SNTG2: variants seen among roughly 807,000 people sequenced by gnomAD.
SNTG2 encodes the protein gamma-2-syntrophin.
Under a neutral mutation model 70.9 loss-of-function variants are expected in SNTG2, and 74 were observed. The observed-to-expected ratio is 1.04, with a 90% confidence interval of 0.86 to 1.27. The LOEUF (loss-of-function observed/expected upper bound fraction) is 1.27. Among genes scored for constraint, SNTG2 ranks in the 50% most tolerant of loss-of-function variants. The pLI is 0.00. For missense variants in SNTG2, 717 were observed against 690.7 expected, an observed-to-expected ratio of 1.04 and a Z score of -0.43; for synonymous variants, 278 against 273.8, an observed-to-expected ratio of 1.02 and a Z score of -0.15.
chr2:1,359,783 A>G (rs559712049), intron 16 of SNTG2, among the ~76,000 whole-genome samples: 6 of 152,222 alleles, frequency 3.9e-5, no homozygotes, highest in Non-Finnish European at 8.8e-5. Flanking sequence ...TAGTCCACCA[A>G]TAAACCCACT....
chr2:1,219,153 G>C (rs1674588504), intron 9 of SNTG2, among the ~76,000 whole-genome samples: 1 of 152,116 alleles, frequency 6.6e-6, no homozygotes, highest in South Asian at 2.1e-4. Flanking sequence ...GCTGTTAAAA[G>C]TGTATGGCAC....
chr2:1,057,189 T>A (rs1048380288), intron 1 of SNTG2, among the ~76,000 whole-genome samples: 1 of 152,116 alleles, frequency 6.6e-6, no homozygotes, highest in African/African-American at 2.4e-5. Flanking sequence ...AGGACTAACA[T>A]GGCACTATTC....
chr2:1,186,074 T>G (rs538352376), intron 8 of SNTG2, among the ~76,000 whole-genome samples: 1 of 152,312 alleles, frequency 6.6e-6, no homozygotes, highest in African/African-American at 2.4e-5. Flanking sequence ...GCTCAGAAAT[T>G]TCTTCCACCA....
rs371663349 is a variant in SNTG2 at position 1,085,081 on chromosome 2, T to C, written c.210+1426T>C. Among the ~76,000 whole-genome samples, 12 of 152,294 alleles carry C rather than the reference T, an allele frequency of 7.9e-5. No individual in the cohort carries two copies. In the East Asian group the frequency reaches 2.3e-3, roughly 30 times the overall value. Reference sequence around the variant, plus strand: ...GATTCCCACAACCCTGAGGCTTTTTTTCCCCGACATGTAGATAAATCGCAT... The same window carrying C: ...GATTCCCACAACCCTGAGGCTTTTTCTCCCCGACATGTAGATAAATCGCAT... On this transcript the variant is annotated intron_variant, in intron 2 of 16. Transcript: ENST00000308624.
rs1660694669 is a variant in SNTG2, at chr2:1,353,586, T to C, written c.1489-13757T>C. 6.6e-6 allele frequency: 1 copy of C among 151,978 alleles called. No individual in the cohort carries two copies. Among genetic ancestry groups the C allele is most frequent in the Non-Finnish European group, 1.5e-5 (1 of 68,012 alleles). 9.4% of individuals were successfully genotyped at this position (151,978 alleles called of 1,614,324 possible). A position where few individuals can be genotyped will look rare whatever the true frequency, so the allele number is the denominator to read the frequency against. ...CACGGGGCCGTCAGTGACAGAGGAG[T>C]GGCCTGCGGTGAAAGGCAGCCTGAG... On this transcript the variant is annotated intron_variant, in intron 16 of 16. Coordinates refer to ENST00000308624, the MANE Select transcript of SNTG2 (RefSeq NM_018968.4). This position sits in a 1 kb window ranked among gnomAD's most constrained non-coding sequence, Gnocchi z 4.2.
chr2:1,032,385 G>T (rs974445093), intron 1 of SNTG2, among the ~76,000 whole-genome samples: 2 of 152,104 alleles, frequency 1.3e-5, no homozygotes, highest in Middle Eastern at 6.8e-3. Context: ...ACACACGCAC[G>T]CACATATATC....
intron 8 of SNTG2, among the ~76,000 whole-genome samples, chr2:1,178,125 A>G (rs1338613101): frequency 1.3e-5 from 2 of 152,270 alleles, no homozygotes; most frequent in East Asian, 3.9e-4. Flanking sequence ...TCTGGATGGT[A>G]CTTTAATCAT....
At chr2:1,256,972 T>C (rs2148159115) in intron 12 of SNTG2, among the ~76,000 whole-genome samples, 1 of 152,112 alleles carries the variant, frequency 6.6e-6, no homozygotes, top group Admixed American at 6.5e-5. Flanking sequence ...TCTTTTTTTT[T>C]TTTAATTAAT....
At position 951,011 on chromosome 2, in the gene SNTG2, A is replaced by AC; in HGVS notation, c.20dup (p.Pro8AlafsTer27). ...CAGGGGCGGCGATGGGCACCGAGGGACCCCCGCCCCCGGCCGCCTCCCGCG... is the reference window on the plus strand; with the variant it reads ...CAGGGGCGGCGATGGGCACCGAGGGACCCCCCGCCCCCGGCCGCCTCCCGCG... On this transcript the variant is annotated frameshift_variant, in exon 1 of 17. Transcript: ENST00000308624. LOFTEE classifies it high-confidence loss of function. 7.9e-7 allele frequency: 1 copy of AC among 1,259,728 alleles called. No homozygotes were observed. The highest frequency in any genetic ancestry group is 9.9e-7 in the Non-Finnish European group (1 of 1,005,736). The allele number at this position is 1,259,728 out of a possible 1,614,324, so 78.0% of individuals were successfully genotyped here.
chr2:979,521 A>C (rs547333043), intron 1 of SNTG2, among the ~76,000 whole-genome samples: 1 of 151,250 alleles, frequency 6.6e-6, no homozygotes, highest in East Asian at 2.0e-4. Context: ...TTTACCACAC[A>C]GCTCCTCTCG....
intron 15 of SNTG2, among the ~76,000 whole-genome samples, chr2:1,312,207 G>A (rs776190842): frequency 6.7e-6 from 1 of 149,304 alleles, no homozygotes; most frequent in African/African-American, 2.5e-5. Flanking sequence ...TAAATCTCTC[G>A]ATGCAAAGTT....
intron 12 of SNTG2, among the ~76,000 whole-genome samples, chr2:1,257,391 C>A (rs1381358179): frequency 6.6e-6 from 1 of 152,104 alleles, no homozygotes; most frequent in Non-Finnish European, 1.5e-5. Context: ...GAGAAGGGAT[C>A]CCCAGGGGGA....
intron 16 of SNTG2, among the ~76,000 whole-genome samples, chr2:1,330,895 G>C (rs1482336632): frequency 6.6e-6 from 1 of 152,136 alleles, no homozygotes. Flanking sequence ...ACCAAGGCTG[G>C]CATAGTCTAT....
chr2:1,351,118 G>A (rs973324167), intron 16 of SNTG2, among the ~76,000 whole-genome samples: 1 of 151,540 alleles, frequency 6.6e-6, no homozygotes, highest in Admixed American at 6.6e-5. Context: ...GCAGAAGAAA[G>A]CAGGCCCACA....
intron 14 of SNTG2, among the ~76,000 whole-genome samples, chr2:1,279,913 G>T (rs1679446476): frequency 6.6e-6 from 1 of 152,168 alleles, no homozygotes; most frequent in Admixed American, 6.5e-5. Flanking sequence ...AGATCGTTTT[G>T]AATAAGTCAC....
chr2:1,334,377 C>T (rs1009681831), intron 16 of SNTG2, among the ~76,000 whole-genome samples: 3 of 152,178 alleles, frequency 2.0e-5, no homozygotes, highest in African/African-American at 7.2e-5. Flanking sequence ...CTGTGGAAAA[C>T]AGTGTGGAGA....
chr2:1,131,073 G>A (rs74919969), intron 4 of SNTG2, among the ~76,000 whole-genome samples: 9,971 of 152,184 alleles, frequency 0.066, 516 homozygotes, highest in South Asian at 0.18. Flanking sequence ...ACACAGCCTT[G>A]GGCCAAACTG....
intron 9 of SNTG2, among the ~76,000 whole-genome samples, chr2:1,224,648 G>T (rs957504590): frequency 1.3e-5 from 2 of 152,318 alleles, no homozygotes; most frequent in African/African-American, 4.8e-5. Flanking sequence ...TGCATTCCAT[G>T]TTCCCCTCAC....
chr2:1,162,882 A>G (rs1359300080), intron 6 of SNTG2, among the ~76,000 whole-genome samples: 22 of 152,212 alleles, frequency 1.4e-4, no homozygotes, highest in Non-Finnish European at 5.9e-5. Flanking sequence ...TTTGTACTGC[A>G]GCAGCCTGTA....
Sources: gnomAD v4.1 joint callset for allele counts (sites outside exome capture counted in the v4.1 genomes callset) on GRCh38, gnomAD v4.1.1 for gene constraint, Gnocchi (gnomAD v3.1) non-coding constraint, MANE v1.5 for transcripts, NCBI Gene and HGNC (gene_info 2026-07-23, HGNC 2026-07-21) for gene names.